HEBP1: variants seen among roughly 807,000 people sequenced by gnomAD.
HEBP1 encodes the protein heme-binding protein 1.
A neutral mutation model predicts 20.4 loss-of-function variants in HEBP1; 13 were observed. The ratio of observed to expected loss-of-function variants is 0.64; its 90% confidence interval spans 0.42 to 1.01. The LOEUF (loss-of-function observed/expected upper bound fraction) is 1.01, where lower values mean the gene tolerates loss of function less well. HEBP1 is among the 50% of genes least tolerant of loss of function. The pLI, the probability that HEBP1 is intolerant of heterozygous loss-of-function variation, is 0.00. For synonymous variants in HEBP1, 92 were observed against 90.7 expected (o/e 1.01, Z -0.08); for missense variants, 241 against 247.3 (o/e 0.97, Z 0.17).
chr12:12,983,888 T>G, intron 3 of HEBP1: 1 of 415,210 alleles, frequency 2.4e-6, no homozygotes, highest in Non-Finnish European at 4.8e-6. Context: ...GCTCAAAACA[T>G]CTCATTATAC....
At chr12:12,999,048 G>A (rs1864322572) in intron 1 of HEBP1, among the ~76,000 whole-genome samples, 1 of 152,172 alleles carries the variant, frequency 6.6e-6, no homozygotes. Flanking sequence ...ACACTCCACT[G>A]AGGTCCCCAT....
At chr12:12,983,652 T>A in intron 3 of HEBP1, 1 of 455,732 alleles carries the variant, frequency 2.2e-6, no homozygotes, top group Non-Finnish European at 4.4e-6. Flanking sequence ...AAGTGGCGAG[T>A]TGAGGAATGA....
rs138647043 is a variant in HEBP1 at position 12,975,379 on chromosome 12, A to G, written c.499T>C (p.Phe167Leu). The G allele has an allele frequency of 1.7e-4, 270 of 1,614,024 alleles. No individual in the cohort carries two copies. Among genetic ancestry groups the G allele is most frequent in the South Asian group, 3.1e-4 (28 of 91,074 alleles). ...GTATYRGDIY[F>L]CTGYDPPMKP... ...ATGGGAGGGTCATAACCCGTGCAGA[A>G]GTAGATGTCCCCCCGGTAGGTGGCT... The change falls in exon 4 of 4, where the codon TTC becomes CTC. Residue 167 changes from phenylalanine to leucine, a missense_variant. Transcript: ENST00000014930.
chr12:12,989,477 A>T (rs1052481576), intron 1 of HEBP1, 62 bp from the exon 2 acceptor site: 2 of 1,567,608 alleles, frequency 1.3e-6, no homozygotes, highest in Non-Finnish European at 1.7e-6. Flanking sequence ...ATGTCTCTAG[A>T]AGTAGTAACA....
Position 12,998,363 on chromosome 12 carries a change from T to C in HEBP1, c.78+1674A>G, listed in dbSNP as rs573964103. On this transcript the variant is annotated intron_variant, in intron 1 of 3. Transcript: ENST00000014930. The surrounding 1 kb of genome is among the most constrained non-coding windows in gnomAD (Gnocchi z 4.2). ...TTTCGCTAAGAATCTGGATGTATGG[T>C]TTTCCTTAAGAATTTGGCAACACTG... Among the ~76,000 whole-genome samples, 1 of 152,214 alleles carries C rather than the reference T, an allele frequency of 6.6e-6. No individual in the cohort carries two copies. The highest frequency in any genetic ancestry group is 2.4e-5 in the African/African-American group (1 of 41,542).
chr12:12,987,011 A>C, intron 3 of HEBP1, 141 bp downstream of exon 3: 1 of 713,134 alleles, frequency 1.4e-6, no homozygotes, highest in Non-Finnish European at 2.4e-6. Flanking sequence ...TTAAAATGAG[A>C]AACTGTTAGG....
chr12:12,981,854 TGGAAA>T (rs1864087166), intron 3 of HEBP1, among the ~76,000 whole-genome samples: 2 of 152,150 alleles, frequency 1.3e-5, no homozygotes, highest in Admixed American at 6.5e-5. Context: ...GAGGTTAGGC[TGGAAA>T]GTTACCAACA....
At chr12:12,978,029 A>C (rs1413662182) in intron 3 of HEBP1, among the ~76,000 whole-genome samples, 2 of 152,074 alleles carry the variant, frequency 1.3e-5, no homozygotes, top group Non-Finnish European at 2.9e-5. Flanking sequence ...CTAGTGAGTG[A>C]AGTGGTTACA....
intron 1 of HEBP1, among the ~76,000 whole-genome samples, chr12:12,993,009 A>G (rs2136549508): frequency 6.6e-6 from 1 of 152,146 alleles, no homozygotes; most frequent in Non-Finnish European, 1.5e-5. Flanking sequence ...CCAGTCTAAT[A>G]CTCGTTGCAA....
In HEBP1 at chr12:12,998,440, G is replaced by A. The variant is rs990031629; in HGVS notation, c.78+1597C>T. Among the ~76,000 whole-genome samples, 5 of 152,052 alleles carry A rather than the reference G, an allele frequency of 3.3e-5. No homozygotes were observed. Among genetic ancestry groups the A allele is most frequent in the African/African-American group, 1.2e-4 (5 of 41,394 alleles). On this transcript the variant is annotated intron_variant, in intron 1 of 3. Coordinates refer to ENST00000014930, the MANE Select transcript of HEBP1 (RefSeq NM_015987.5). The surrounding 1 kb of genome is among the most constrained non-coding windows in gnomAD (Gnocchi z 4.2). ...GTGGCTGGAACTGCCGTTTAGAGAT[G>A]GGGACCTGAGTTCACTCTCTGATTT... is the stretch of plus-strand genomic sequence containing the variant.
At chr12:12,981,881 G>A (rs1864087494) in intron 3 of HEBP1, among the ~76,000 whole-genome samples, 1 of 152,214 alleles carries the variant, frequency 6.6e-6, no homozygotes. Context: ...ACTGGTGACA[G>A]CTGAAGCTAT....
chr12:12,982,078 C>T (rs1864092503), intron 3 of HEBP1, among the ~76,000 whole-genome samples: 1 of 152,164 alleles, frequency 6.6e-6, no homozygotes. Flanking sequence ...CTGCCTTGGC[C>T]TCCCAAAGTA....
chr12:12,987,612 T>TCTCTCTCTTTCTCTC (rs1230851526), intron 2 of HEBP1, among the ~76,000 whole-genome samples: 4 of 117,838 alleles, frequency 3.4e-5, no homozygotes, highest in Admixed American at 2.1e-4. Flanking sequence ...CTCTCTCTCT[T>TCTCTCTCTTTCTCTC]TCTCTCTCTC....
intron 3 of HEBP1, chr12:12,985,899 T>C (rs1864146195): frequency 6.6e-6 from 1 of 152,178 alleles, no homozygotes; most frequent in Non-Finnish European, 1.5e-5. Flanking sequence ...CATTTTATTA[T>C]ACCTGCTGCT....
rs371773825 is a variant in HEBP1, at chr12:12,989,433, A to G, written c.79-18T>C. ...ACTTCTTCCTAGAGAGAGAGAAGGT[A>G]CAGTGTTTAAGAGGTACAAAGTAGC... is the stretch of plus-strand genomic sequence containing the variant. On this transcript the variant is annotated intron_variant, in intron 1 of 3. Coordinates refer to ENST00000014930, the MANE Select transcript of HEBP1 (RefSeq NM_015987.5). The G allele has an allele frequency of 5.0e-6, 8 of 1,613,740 alleles. No homozygotes were observed. The highest frequency in any genetic ancestry group is 6.8e-6 in the Non-Finnish European group (8 of 1,179,870).
At chr12:12,988,892 C>T (rs1197965208) in intron 2 of HEBP1, among the ~76,000 whole-genome samples, 3 of 152,194 alleles carry the variant, frequency 2.0e-5, no homozygotes, top group African/African-American at 7.2e-5. Context: ...CTGGGGATCT[C>T]CAGCCTGATG....
intron 3 of HEBP1, among the ~76,000 whole-genome samples, chr12:12,977,991 CAG>C (rs1301057254): frequency 6.6e-6 from 1 of 152,136 alleles, no homozygotes; most frequent in African/African-American, 2.4e-5. Flanking sequence ...TTCAGCCTGA[CAG>C]AGCTAAAGAT....
In HEBP1 at chr12:12,975,259, A is replaced by G. The variant is rs372881297; in HGVS notation, c.*49T>C. The G allele has an allele frequency of 1.3e-6, 2 of 1,576,692 alleles. No individual in the cohort carries two copies. Among genetic ancestry groups the G allele is most frequent in the African/African-American group, 1.4e-5 (1 of 73,870 alleles). On this transcript the variant is annotated 3_prime_UTR_variant, in exon 4 of 4. Coordinates refer to ENST00000014930, the MANE Select transcript of HEBP1 (RefSeq NM_015987.5). ...ACTGTCCCCTCCTTACCCCCGAGGAAGGAGACACAGAGGCACACTTCCAGT... is the reference window on the plus strand; with the variant it reads ...ACTGTCCCCTCCTTACCCCCGAGGAGGGAGACACAGAGGCACACTTCCAGT...
At chr12:12,975,532 G>A (rs867192205) in intron 3 of HEBP1, 53 bp from the exon 4 acceptor site, 1 of 1,493,644 alleles carries the variant, frequency 6.7e-7, no homozygotes, top group African/African-American at 1.4e-5. Flanking sequence ...CTCTGAGAGA[G>A]GGGGGATCTT....
Sources: allele counts gnomAD v4.1 joint callset (sites outside exome capture counted in the v4.1 genomes callset), GRCh38; gene constraint gnomAD v4.1.1; non-coding constraint Gnocchi (gnomAD v3.1); transcripts MANE v1.5; gene names NCBI Gene and HGNC (gene_info 2026-07-23, HGNC 2026-07-21).